The following GAS5 variants were observed in gnomAD, a reference collection of about 807,000 sequenced individuals.
The protein encoded by GAS5 is growth arrest specific 5 (non-protein coding).
chr1:173,866,021 C>CG, intron 4 of GAS5: 1 of 519,176 alleles, frequency 1.9e-6, no homozygotes, highest in Non-Finnish European at 3.8e-6. Context: ...TGCTTATCAT[C>CG]ATCCAGGCTG....
chr1:173,864,075 C>T (rs1572006515), intron 7 of GAS5: 1 of 471,636 alleles, frequency 2.1e-6, no homozygotes, highest in African/African-American at 2.0e-5. Context: ...GAGGCAAGAC[C>T]CTGTCTCAAA....
chr1:173,864,124 A>G (rs747926928), intron 7 of GAS5: 4 of 514,468 alleles, frequency 7.8e-6, no homozygotes, highest in African/African-American at 1.9e-5. Context: ...ACAGACTTCA[A>G]TTAAAATGCT....
rs1348306905 is a variant in GAS5, at chr1:173,865,404, C to T, written n.276+67G>A. 5.8e-6 allele frequency: 3 copies of T among 516,194 alleles called. No individual in the cohort carries two copies. The East Asian group carries it at 1.6e-4, about 28-fold the overall frequency. 32.0% of individuals were successfully genotyped at this position (516,194 alleles called of 1,614,324 possible). A position where few individuals can be genotyped will look rare whatever the true frequency, so the allele number is the denominator to read the frequency against. ...TCTTTCTCAGAGAGATTCCCATCTG[C>T]TTTAATTTTAAAATCATCACTAACA... On this transcript the variant is annotated intron_variant and non_coding_transcript_variant, in intron 6 of 7. Coordinates refer to ENST00000651080, the Ensembl canonical transcript of GAS5.
At chr1:173,866,703 C>G in intron 2 of GAS5, 1 of 765,336 alleles carries the variant, frequency 1.3e-6, no homozygotes, top group South Asian at 1.3e-5. Context: ...AATAAACTGT[C>G]ATCATTGTGG....
exon 6 of GAS5, chr1:173,865,530 T>TA: frequency 5.8e-6 from 3 of 514,304 alleles, no homozygotes; most frequent in Admixed American, 3.9e-5. Context: ...CATCCATGGA[T>TA]AAAAACGTTA....
At chr1:173,865,506 T>C (rs971152304) in exon 6 of GAS5, 3 of 509,522 alleles carry the variant, frequency 5.9e-6, no homozygotes. Context: ...CTTCATGTCC[T>C]TACCCAAGCA....
chr1:173,867,331 C>A (rs1654903339), upstream of GAS5: 3 of 416,688 alleles, frequency 7.2e-6, no homozygotes, highest in South Asian at 8.6e-5. Flanking sequence ...ACCAGTCTCG[C>A]CAACATGGTG....
intron 6 of GAS5, chr1:173,864,940 G>T (rs149094308): frequency 3.9e-6 from 2 of 514,574 alleles, no homozygotes; most frequent in Non-Finnish European, 3.9e-6. Context: ...GACTTGAGGC[G>T]GGGCATGGTG....
chr1:173,865,403 G>C, intron 6 of GAS5: 1 of 516,170 alleles, frequency 1.9e-6, no homozygotes, highest in South Asian at 1.4e-5. Flanking sequence ...ATTCCCATCT[G>C]CTTTAATTTT....
At chr1:173,864,434 A>C (rs750290039) in intron 6 of GAS5, 25 of 518,816 alleles carry the variant, frequency 4.8e-5, no homozygotes, top group Non-Finnish European at 7.7e-5. Context: ...CAGAATCATT[A>C]CATCATTGGT....
upstream of GAS5, chr1:173,868,040 C>T (rs888591954): frequency 5.5e-6 from 1 of 180,238 alleles, no homozygotes; most frequent in Non-Finnish European, 1.2e-5. Flanking sequence ...GATGACGTCA[C>T]GACGCACGCT....
At chr1:173,867,085 TTC>T (rs1654834915), upstream of GAS5, 4 of 652,222 alleles carry the variant, frequency 6.1e-6, no homozygotes, top group Non-Finnish European at 8.2e-6. Context: ...TGTTCCACGG[TTC>T]TTTTTTTTAA....
intron 7 of GAS5, chr1:173,864,214 T>A (rs1654203279): frequency 1.9e-6 from 1 of 518,128 alleles, no homozygotes; most frequent in East Asian, 5.5e-5. Context: ...GAGATCATCA[T>A]GTATTCTGCA....
At chr1:173,865,361 T>C (rs1171237192) in intron 6 of GAS5, 1 of 513,572 alleles carries the variant, frequency 1.9e-6, no homozygotes, top group Non-Finnish European at 3.9e-6. Context: ...TGTTTCAGTT[T>C]AAGATTAATC....
upstream of GAS5, chr1:173,867,881 C>A (rs554817027): frequency 2.4e-6 from 1 of 422,490 alleles, no homozygotes; most frequent in South Asian, 1.7e-5. Flanking sequence ...CTTAGAAGTC[C>A]CAGTCAATTC....
chr1:173,866,510 A>G (rs1654679141), intron 3 of GAS5: 1 of 686,362 alleles, frequency 1.5e-6, no homozygotes, highest in African/African-American at 1.8e-5. Context: ...TGAGAAGTAC[A>G]AAATAGAGGT....
intron 6 of GAS5, chr1:173,864,719 C>CA: frequency 2.1e-6 from 1 of 473,300 alleles, no homozygotes; most frequent in Non-Finnish European, 4.2e-6. Flanking sequence ...AATTAAGGGA[C>CA]AATACACAGT....
chr1:173,868,615 C>G (rs1655206164), upstream of GAS5: 1 of 152,482 alleles, frequency 6.6e-6, no homozygotes, highest in African/African-American at 2.4e-5. Context: ...GGGCCCCTCC[C>G]TCAGGACCCC....
intron 7 of GAS5, chr1:173,864,092 G>A (rs537114336): frequency 2.5e-4 from 125 of 496,660 alleles, no homozygotes; most frequent in African/African-American, 2.1e-3. Flanking sequence ...CAAAAAATAA[G>A]ACAAGACTTT....
Sources: allele counts gnomAD v4.1 joint callset, GRCh38; gene constraint gnomAD v4.1.1; transcripts MANE v1.5; gene names NCBI Gene and HGNC (gene_info 2026-07-23, HGNC 2026-07-21).